Variants in BRIX1 observed in about 807,000 individuals in gnomAD.
BRIX1 encodes ribosome biogenesis protein BRX1 homolog.
In BRIX1, 15 loss-of-function variants were observed where a neutral mutation model predicts 44.0. That is an observed-to-expected ratio of 0.34 (90% CI 0.23 to 0.53). The LOEUF is 0.53. Ranked by LOEUF, BRIX1 falls within the 20% of genes least tolerant of loss-of-function variation. BRIX1 has a pLI of 0.95. For synonymous variants in BRIX1, 149 were observed against 135.4 expected (o/e 1.10, Z -0.70); for missense variants, 420 against 432.8 (o/e 0.97, Z 0.26).
intron 5 of BRIX1, 33 bp from the exon 6 acceptor site, chr5:34,922,662 C>G (rs1764265941): frequency 6.2e-7 from 1 of 1,601,904 alleles, no homozygotes; most frequent in Non-Finnish European, 8.5e-7. Context: ...GCAAAAGTTA[C>G]AACTATTTTT....
chr5:34,925,460 A>G lies in BRIX1; in HGVS notation c.1027A>G (p.Met343Val). Residue 343 changes from methionine (M) to valine (V), a missense_variant, in exon 10 of 10, where the codon ATG (methionine) becomes GTG (valine). Transcript: ENST00000336767. ...KKRIYKRQRKMKQRMDSGKTK is the reference protein window; with the variant it reads ...KKRIYKRQRKVKQRMDSGKTK The stretch of plus-strand genomic sequence containing the variant: ...ACGGATTTACAAAAGGCAAAGAAAA[A>G]TGAAACAGAGGATGGACAGTGGGAA... 6.2e-7 allele frequency: 1 copy of G among 1,613,894 alleles called. No individual in the cohort carries two copies. The highest frequency in any genetic ancestry group is 1.3e-5 in the African/African-American group (1 of 75,066).
rs542723597 is a variant in BRIX1 at position 34,923,434 on chromosome 5, C to T, written c.663+200C>T. On this transcript the variant is annotated intron_variant, in intron 8 of 9. Transcript: ENST00000336767. ...CTGGGATTACAAGCACCCATCATCA[C>T]GCCTGGCTAATTTTTGTAGTTTTAG... is the stretch of plus-strand genomic sequence containing the variant. 385 of 568,022 alleles carry T rather than the reference C, an allele frequency of 6.8e-4. 1 individual carries two copies. The South Asian group carries it at 7.4e-3, about 11-fold the overall frequency. The allele number at this position is 568,022 out of a possible 1,614,324, so 35.2% of individuals were successfully genotyped here. A position where few individuals can be genotyped will look rare whatever the true frequency, so the allele number is the denominator to read the frequency against.
In BRIX1 at chr5:34,925,687, T is replaced by A; in HGVS notation, c.*192T>A. The A allele has an allele frequency of 3.7e-6, 2 of 533,576 alleles. No homozygotes were observed. The highest frequency in any genetic ancestry group is 6.2e-6 in the Non-Finnish European group (2 of 320,264). 33.1% of individuals were successfully genotyped at this position (533,576 alleles called of 1,614,324 possible). A position where few individuals can be genotyped will look rare whatever the true frequency, so the allele number is the denominator to read the frequency against. ...TCACCAGAATTCATCAGTTAATTTCTGATTTCTTTTTGAAGTTTGTGTTGC... is the reference window on the plus strand; with the variant it reads ...TCACCAGAATTCATCAGTTAATTTCAGATTTCTTTTTGAAGTTTGTGTTGC... On this transcript the variant is annotated 3_prime_UTR_variant, in exon 10 of 10. Coordinates refer to ENST00000336767, the MANE Select transcript of BRIX1 (RefSeq NM_018321.4).
chr5:34,924,942 A>C lies in BRIX1; in HGVS notation c.759A>C (p.Leu253Phe), dbSNP rs1055027674. 2.5e-6 allele frequency: 4 copies of C among 1,613,538 alleles called. No homozygotes were observed. Among genetic ancestry groups the C allele is most frequent in the Non-Finnish European group, 3.4e-6 (4 of 1,179,808 alleles). The change falls in exon 9 of 10, where the codon TTA becomes TTC. Residue 253 changes from leucine (L) to phenylalanine (F), a missense_variant. Leu to Phe is a conservative substitution (Grantham distance 22, BLOSUM62 0). Coordinates refer to ENST00000336767, the MANE Select transcript of BRIX1 (RefSeq NM_018321.4). ...AGGGAAGTTTTGGAGGACCAACTTT[A>C]TATGAAAATCCTCACTACCAGTCAC... ...IFQGSFGGPT[L>F]YENPHYQSPN... is the part of the protein sequence containing the mutation.
Position 34,923,708 on chromosome 5 carries a change from A to G in BRIX1, c.663+474A>G, listed in dbSNP as rs192173693. On this transcript the variant is annotated intron_variant, in intron 8 of 9. Coordinates refer to ENST00000336767, the MANE Select transcript of BRIX1 (RefSeq NM_018321.4). ...AGTTGTGAGCCACTGTGCCTGGTCAATTTTTAGTTAAACTTTTAGATAAGG... is the reference window on the plus strand; with the variant it reads ...AGTTGTGAGCCACTGTGCCTGGTCAGTTTTTAGTTAAACTTTTAGATAAGG... Among the ~76,000 whole-genome samples the G allele has an allele frequency of 2.2e-3, 342 of 152,280 alleles. 1 individual carries two copies. Among genetic ancestry groups the G allele is most frequent in the Non-Finnish European group, 2.3e-3 (158 of 68,018 alleles).
intron 8 of BRIX1, among the ~76,000 whole-genome samples, chr5:34,924,223 C>G (rs971532043): frequency 6.6e-6 from 1 of 152,162 alleles, no homozygotes; most frequent in East Asian, 1.9e-4. Context: ...TGGAAGAGAA[C>G]AGCAAGAACA....
At chr5:34,918,662 G>C in intron 2 of BRIX1, 187 bp downstream of exon 2, 1 of 479,654 alleles carries the variant, frequency 2.1e-6, no homozygotes, top group Non-Finnish European at 3.7e-6. Context: ...ATTTCATTAG[G>C]TAGATTCTTT....
intron 8 of BRIX1, 138 bp downstream of exon 8, chr5:34,923,372 C>G (rs1160927290): frequency 3.1e-6 from 2 of 651,326 alleles, no homozygotes; most frequent in African/African-American, 1.8e-5. Context: ...CTCCACCTCC[C>G]GGGTTCAAGC....
intron 6 of BRIX1, 45 bp downstream of exon 6, chr5:34,922,813 C>A (rs1328583530): frequency 6.5e-7 from 1 of 1,546,126 alleles, no homozygotes; most frequent in Non-Finnish European, 8.9e-7. Flanking sequence ...TCTTATCTGG[C>A]ATGGTTGTTT....
chr5:34,922,150 C>T, intron 3 of BRIX1, 67 bp from the exon 4 acceptor site: 1 of 864,986 alleles, frequency 1.2e-6, no homozygotes, highest in East Asian at 2.5e-5. Flanking sequence ...TGATATTAAT[C>T]ACATATAATT....
intron 1 of BRIX1, chr5:34,916,252 A>G (rs1764086125): frequency 5.7e-6 from 1 of 176,446 alleles, no homozygotes; most frequent in Non-Finnish European, 1.2e-5. Context: ...TTATTTCTCC[A>G]GTGATTAGTA....
chr5:34,925,046 A>G, intron 9 of BRIX1, 71 bp downstream of exon 9: 2 of 1,544,968 alleles, frequency 1.3e-6, no homozygotes, highest in Non-Finnish European at 1.7e-6. Flanking sequence ...CTGTGAAGTA[A>G]TTGCTGTTTT....
chr5:34,925,206 TC>T lies in BRIX1; in HGVS notation c.793-19del, dbSNP rs1580514106. 1.3e-6 allele frequency: 2 copies of T among 1,498,444 alleles called. No individual in the cohort carries two copies. The highest frequency in any genetic ancestry group is 1.6e-5 in the African/African-American group (1 of 62,966). The allele number at this position is 1,498,444 out of a possible 1,614,324, so 92.8% of individuals were successfully genotyped here. ...TTATTTTTATTTCAAAAGCATCTAA[TC>T]TTTTTTTTTTTTTTTTAGCATCGGC... On this transcript the variant is annotated intron_variant, in intron 9 of 9. Coordinates refer to ENST00000336767, the MANE Select transcript of BRIX1 (RefSeq NM_018321.4).
At chr5:34,918,551 A>T (rs1764168101) in intron 2 of BRIX1, 76 bp downstream of exon 2, 1 of 843,984 alleles carries the variant, frequency 1.2e-6, no homozygotes, top group Non-Finnish European at 1.8e-6. Flanking sequence ...TATTTTATAT[A>T]TTCTTCATTT....
intron 8 of BRIX1, among the ~76,000 whole-genome samples, chr5:34,924,266 T>C (rs1764304952): frequency 6.6e-6 from 1 of 152,244 alleles, no homozygotes; most frequent in Non-Finnish European, 1.5e-5. Context: ...TAAACTGAGC[T>C]CTTTTCTGCA....
chr5:34,923,264 T>G (rs771534076), intron 8 of BRIX1, 30 bp downstream of exon 8: 14 of 1,378,214 alleles, frequency 1.0e-5, no homozygotes, highest in Non-Finnish European at 1.4e-5. Context: ...TAATTATACC[T>G]TTTTTTTAAT....
chr5:34,916,239 C>T (rs985925424), intron 1 of BRIX1: 6 of 185,286 alleles, frequency 3.2e-5, no homozygotes, highest in African/African-American at 4.7e-5. Flanking sequence ...TTATTTCTCG[C>T]TATTATTTCT....
chr5:34,924,160 C>T (rs1220720561), intron 8 of BRIX1, among the ~76,000 whole-genome samples: 4 of 152,142 alleles, frequency 2.6e-5, no homozygotes, highest in Non-Finnish European at 5.9e-5. Flanking sequence ...GGAGGTGACT[C>T]TAGAAATCTT....
chr5:34,916,162 T>G (rs1764080622), intron 1 of BRIX1: 1 of 352,760 alleles, frequency 2.8e-6, no homozygotes, highest in African/African-American at 2.1e-5. Flanking sequence ...GATCCAGCGT[T>G]CTTTCTTACT....
Sources: gnomAD v4.1 joint callset for allele counts (sites outside exome capture counted in the v4.1 genomes callset) on GRCh38, gnomAD v4.1.1 for gene constraint, MANE v1.5 for transcripts, NCBI Gene and HGNC (gene_info 2026-07-23, HGNC 2026-07-21) for gene names.